The following CORO1B variants were observed in gnomAD, a reference collection of about 807,000 sequenced individuals.
CORO1B encodes coronin 1B.
CORO1B carries 30 observed loss-of-function variants against 51.1 expected under a neutral mutation model. The ratio of observed to expected loss-of-function variants is 0.59; its 90% CI spans 0.44 to 0.80. CORO1B has a LOEUF of 0.80. Among genes scored for constraint, CORO1B ranks in the 30% least tolerant of loss-of-function variants. The pLI is 0.00. For synonymous variants in CORO1B, 310 were observed against 289.7 expected (o/e 1.07, Z -0.71); for missense variants, 648 against 700.4 (o/e 0.93, Z 0.84).
At position 67,436,731 on chromosome 11, in the gene CORO1B, T is replaced by C. The variant is rs1864291040; in HGVS notation, c.*1645A>G. The C allele has an allele frequency of 9.7e-6, 2 of 205,738 alleles. No individual in the cohort carries two copies. Among genetic ancestry groups the C allele is most frequent in the Non-Finnish European group, 1.9e-5 (2 of 102,884 alleles). 12.7% of individuals were successfully genotyped at this position (205,738 alleles called of 1,614,324 possible). On this transcript the variant is annotated 3_prime_UTR_variant, in exon 11 of 11. Coordinates refer to ENST00000341356, the MANE Select transcript of CORO1B (RefSeq NM_020441.3). ...CTGAACCTGACCTTAACCTCTACCC[T>C]GATGTCTATCACTGCAGCCCACCCC...
chr11:67,435,849 C>T lies in CORO1B; in HGVS notation c.*2527G>A, dbSNP rs1329023061. The T allele has an allele frequency of 8.1e-6, 13 of 1,609,344 alleles. No individual in the cohort carries two copies. Among genetic ancestry groups the T allele is most frequent in the South Asian group, 6.6e-5 (6 of 90,962 alleles). ...AGCAGGGCCTCAGCACTGCCCCCTG[C>T]GCTCGCTGGTCCTGGGGAGCCGAGG... is the stretch of plus-strand genomic sequence containing the variant. On this transcript the variant is annotated 3_prime_UTR_variant, in exon 11 of 11. Transcript: ENST00000341356.
At position 67,440,366 on chromosome 11, in the gene CORO1B, G is replaced by T; in HGVS notation, c.830C>A (p.Pro277His). 6.2e-7 allele frequency: 1 copy of T among 1,613,856 alleles called. No homozygotes were observed. The highest frequency in any genetic ancestry group is 8.5e-7 in the Non-Finnish European group (1 of 1,179,984). Reference protein sequence around the residue: ...SNGALLPFYDPDTSVVYVCGK... With the variant: ...SNGALLPFYDHDTSVVYVCGK... ...GCAGACGTAGACCACACTGGTGTCG[G>T]GGTCGTAGAAGGGCAGCAGGGCCCC... The change falls in exon 7 of 11, where the codon CCC (proline) becomes CAC (histidine). Residue 277 changes from proline to histidine, a missense_variant. Pro to His is a moderately conservative substitution (Grantham distance 77). Transcript: ENST00000341356.
chr11:67,440,907 G>A (rs529336897), intron 6 of CORO1B: 2 of 686,050 alleles, frequency 2.9e-6, no homozygotes, highest in African/African-American at 1.8e-5. Flanking sequence ...AACAACATGG[G>A]CAAAGACACA....
At position 67,442,464 on chromosome 11, in the gene CORO1B, A is replaced by G; in HGVS notation, c.165T>C (p.Ser55=). Residue 55 remains serine (S), a synonymous_variant, in exon 2 of 11, where the codon AGT becomes AGC. Coordinates refer to ENST00000341356, the MANE Select transcript of CORO1B (RefSeq NM_020441.3). ...GGAGCACCAGAAAGGCACCCCCTCC[A>G]CTGGCCTCCACAATCACCGCCAGGA... The part of the protein sequence containing the change: ...PKFLAVIVEA[S]GGGAFLVLPL... 1.2e-6 allele frequency: 2 copies of G among 1,613,396 alleles called. No individual in the cohort carries two copies. Among genetic ancestry groups the G allele is most frequent in the Non-Finnish European group, 1.7e-6 (2 of 1,179,986 alleles).
intron 6 of CORO1B, chr11:67,440,836 C>G (rs919255251): frequency 1.1e-5 from 7 of 660,566 alleles, no homozygotes. Context: ...AGCGGGGAGC[C>G]CTGTGCAGGC....
Position 67,442,002 on chromosome 11 carries a change from TTCG to T in CORO1B, c.285_287del (p.Asp95del). ...AGTCCTCCGAGCCGCTGGCTATGACTTCGTCGTTGTGAGGACACCAGTCGATGT... is the reference window on the plus strand; with the variant it reads ...AGTCCTCCGAGCCGCTGGCTATGACTTCGTTGTGAGGACACCAGTCGATGT... On this transcript the variant is annotated inframe_deletion, in exon 3 of 11. Coordinates refer to ENST00000341356, the MANE Select transcript of CORO1B (RefSeq NM_020441.3). 6.2e-7 allele frequency: 1 copy of T among 1,613,242 alleles called. No individual in the cohort carries two copies. Among genetic ancestry groups the T allele is most frequent in the African/African-American group, 1.3e-5 (1 of 75,042 alleles).
At position 67,438,162 on chromosome 11, in the gene CORO1B, C is replaced by T. The variant is rs553083802; in HGVS notation, c.*214G>A. On this transcript the variant is annotated 3_prime_UTR_variant, in exon 11 of 11. Coordinates refer to ENST00000341356, the MANE Select transcript of CORO1B (RefSeq NM_020441.3). ...GTCGGGGAGATGGTCCCTCAGAGGT[C>T]GAGGAGCTCGCCTGGGCGTAGACAT... 1.9e-5 allele frequency: 10 copies of T among 526,266 alleles called. No homozygotes were observed. The highest frequency in any genetic ancestry group is 7.7e-5 in the African/African-American group (4 of 52,042). The allele number at this position is 526,266 out of a possible 1,614,324, so 32.6% of individuals were successfully genotyped here. A position where few individuals can be genotyped will look rare whatever the true frequency, so the allele number is the denominator to read the frequency against.
At position 67,437,649 on chromosome 11, in the gene CORO1B, C is replaced by T. The variant is rs779461827; in HGVS notation, c.*727G>A. On this transcript the variant is annotated 3_prime_UTR_variant, in exon 11 of 11. Transcript: ENST00000341356. ...CCGCAGGCCCCTCCGTGCCGGGCAC[C>T]CACCTCCAGCTCTGGCTGTGTCGAG... 1.5e-6 allele frequency: 2 copies of T among 1,362,846 alleles called. No individual in the cohort carries two copies. The highest frequency in any genetic ancestry group is 5.9e-5 in the Admixed American group (2 of 34,182). 84.4% of individuals were successfully genotyped at this position (1,362,846 alleles called of 1,614,324 possible).
In CORO1B at chr11:67,435,986, A is replaced by G; in HGVS notation, c.*2390T>C. On this transcript the variant is annotated 3_prime_UTR_variant, in exon 11 of 11. Coordinates refer to ENST00000341356, the MANE Select transcript of CORO1B (RefSeq NM_020441.3). ...CTCGCCTTCCCCAGGGTCAGCCTGC[A>G]GGCCACCATCCGCGACGTGGTCATA... 1 of 1,613,740 alleles carries G rather than the reference A, an allele frequency of 6.2e-7. No individual in the cohort carries two copies. Among genetic ancestry groups the G allele is most frequent in the Non-Finnish European group, 8.5e-7 (1 of 1,179,928 alleles).
At position 67,436,680 on chromosome 11, in the gene CORO1B, C is replaced by T. The variant is rs74458365; in HGVS notation, c.*1696G>A. 794 of 285,508 alleles carry T rather than the reference C, an allele frequency of 2.8e-3. 6 individuals carry two copies. The highest frequency in any genetic ancestry group is 0.016 in the African/African-American group (719 of 45,578). 17.7% of individuals were successfully genotyped at this position (285,508 alleles called of 1,614,324 possible). A position where few individuals can be genotyped will look rare whatever the true frequency, so the allele number is the denominator to read the frequency against. On this transcript the variant is annotated 3_prime_UTR_variant, in exon 11 of 11. Transcript: ENST00000341356. Reference sequence around the variant, plus strand: ...CCCCCGGGCTGCATGGCCTGCTCACCGTGCTCAAACTTCACCCCAGTGAGG... The same window carrying T: ...CCCCCGGGCTGCATGGCCTGCTCACTGTGCTCAAACTTCACCCCAGTGAGG...
In CORO1B at chr11:67,438,718, TG is replaced by T. The variant is rs1354764096; in HGVS notation, c.1296del (p.Thr433ProfsTer24). 6.4e-7 allele frequency: 1 copy of T among 1,558,522 alleles called. No individual in the cohort carries two copies. The highest frequency in any genetic ancestry group is 8.7e-7 in the Non-Finnish European group (1 of 1,155,000). ...GSSHLGAPASTTTAADATPSG... is the reference protein window; with the variant it reads ...GSSHLGAPASXTTAADATPSG... ...CTGGGGGTGGCATCAGCAGCAGTGG[TG>T]GTGGAGGCGGGGGCCCCTAGGTGGG... On this transcript the variant is annotated frameshift_variant, in exon 10 of 11. Coordinates refer to ENST00000341356, the MANE Select transcript of CORO1B (RefSeq NM_020441.3). LOFTEE classifies it low-confidence loss of function (END_TRUNC).
In CORO1B at chr11:67,439,817, C is replaced by T; in HGVS notation, c.1034G>A (p.Cys345Tyr). ...ARFYKLHERK[C>Y]EPIVMTVPRK... Reference sequence around the variant, plus strand: ...TGGCACAGTCATGACGATGGGCTCACACTTGCGCTCATGCAGTTTGTAGAA... The same window carrying T: ...TGGCACAGTCATGACGATGGGCTCATACTTGCGCTCATGCAGTTTGTAGAA... The change falls in exon 9 of 11, where the codon TGT becomes TAT. Residue 345 changes from cysteine (C) to tyrosine (Y), a missense_variant. Coordinates refer to ENST00000341356, the MANE Select transcript of CORO1B (RefSeq NM_020441.3). The T allele has an allele frequency of 6.3e-7, 1 of 1,588,602 alleles. No individual in the cohort carries two copies. The highest frequency in any genetic ancestry group is 8.6e-7 in the Non-Finnish European group (1 of 1,168,030).
At position 67,442,442 on chromosome 11, in the gene CORO1B, G is replaced by A. The variant is rs767899717; in HGVS notation, c.187C>T (p.Leu63Phe). ...EASGGGAFLV[L>F]PLSKTGRIDK... ...ACAGGACCCACCTTGCTTAGGGGGA[G>A]CACCAGAAAGGCACCCCCTCCACTG... is the stretch of plus-strand genomic sequence containing the variant. Residue 63 changes from leucine to phenylalanine, a missense_variant, in exon 2 of 11, where the codon CTC becomes TTC. Transcript: ENST00000341356. The A allele has an allele frequency of 3.7e-6, 6 of 1,613,228 alleles. No homozygotes were observed. The South Asian group carries it at 5.5e-5, about 15-fold the overall frequency.
Position 67,443,474 on chromosome 11 carries a change from C to G in CORO1B, c.-73G>C. ...GCTCCGGATCCCGGCCTCTGGGAAG[C>G]AGGAAGCAGGATTCAGGAAGTGACA... On this transcript the variant is annotated 5_prime_UTR_variant, in exon 1 of 11. Coordinates refer to ENST00000341356, the MANE Select transcript of CORO1B (RefSeq NM_020441.3). 1.0e-6 allele frequency: 1 copy of G among 986,094 alleles called. No individual in the cohort carries two copies. The highest frequency in any genetic ancestry group is 1.2e-6 in the Non-Finnish European group (1 of 830,044). 61.1% of individuals were successfully genotyped at this position (986,094 alleles called of 1,614,324 possible).
In CORO1B at chr11:67,442,087, G is replaced by A. The variant is rs142190430; in HGVS notation, c.203C>T (p.Thr68Met). Residue 68 changes from threonine (T) to methionine (M), a missense_variant and splice_region_variant, in exon 3 of 11, where the codon ACG (threonine) becomes ATG (methionine). Thr to Met is a moderately conservative substitution (Grantham distance 81, BLOSUM62 -1). Transcript: ENST00000341356. ...GAFLVLPLSK[T>M]GRIDKAYPTV... ...CGGGTAGGCCTTGTCAATGCGGCCC[G>A]TCTGTGGGCACGAGGGGGCAGTCAG... 187 of 1,609,514 alleles carry A rather than the reference G, an allele frequency of 1.2e-4. No individual in the cohort carries two copies. Among genetic ancestry groups the A allele is most frequent in the Non-Finnish European group, 1.5e-4 (179 of 1,177,970 alleles).
chr11:67,440,101 C>A lies in CORO1B; in HGVS notation c.1007+17G>T. 6.3e-7 allele frequency: 1 copy of A among 1,599,428 alleles called. No individual in the cohort carries two copies. ...TTAGATGCCCCTATCCCCGAGTGGC[C>A]TCGGTAGCCCTCTTACCGGGCGATC... is the stretch of plus-strand genomic sequence containing the variant. On this transcript the variant is annotated intron_variant, in intron 8 of 10. Transcript: ENST00000341356.
chr11:67,438,515 A>C lies in CORO1B; in HGVS notation c.1345-14T>G. The C allele has an allele frequency of 6.2e-7, 1 of 1,600,462 alleles. No homozygotes were observed. Among genetic ancestry groups the C allele is most frequent in the Non-Finnish European group, 8.5e-7 (1 of 1,171,248 alleles). On this transcript the variant is annotated splice_polypyrimidine_tract_variant and intron_variant, in intron 10 of 10. Transcript: ENST00000341356. ...CTTCCCAGCCTCCTGTGGGGACATG[A>C]AGCAGGGGTAGGGGGCGGTGGTCAG...
chr11:67,440,498 AG>A (rs1864374305), intron 6 of CORO1B, 59 bp from the exon 7 acceptor site: 1 of 1,526,278 alleles, frequency 6.6e-7, no homozygotes. Flanking sequence ...ATCCCAAACC[AG>A]GACGGGCCTT....
rs1382930056 is a variant in CORO1B, at chr11:67,437,197, G to A, written c.*1179C>T. ...CTGAGGGCCACAGGCGTGCAGGGCC[G>A]GGGGCTGGGGGGGGCTGGGGGAGGC... On this transcript the variant is annotated 3_prime_UTR_variant, in exon 11 of 11. Coordinates refer to ENST00000341356, the MANE Select transcript of CORO1B (RefSeq NM_020441.3). 1.8e-5 allele frequency: 3 copies of A among 165,094 alleles called. No individual in the cohort carries two copies. Among genetic ancestry groups the A allele is most frequent in the Non-Finnish European group, 2.6e-5 (2 of 77,038 alleles). 10.2% of individuals were successfully genotyped at this position (165,094 alleles called of 1,614,324 possible).
Sources: gnomAD v4.1 joint callset for allele counts on GRCh38, gnomAD v4.1.1 for gene constraint, MANE v1.5 for transcripts, NCBI Gene and HGNC (gene_info 2026-07-23, HGNC 2026-07-21) for gene names.